Variants in GLI3 observed in about 807,000 individuals in gnomAD.
GLI3 encodes the protein GLI family zinc finger 3.
Under a neutral mutation model 100.8 loss-of-function variants are expected in GLI3, and 20 were observed. The ratio of observed to expected loss-of-function variants is 0.20; its 90% CI spans 0.14 to 0.29. The LOEUF is 0.29. GLI3 is among the 10% of genes least tolerant of loss of function. The pLI is 1.00. For missense variants in GLI3, 2,040 were observed against 2,128.5 expected (o/e 0.96, Z 0.82); for synonymous variants, 938 against 860.5 (o/e 1.09, Z -1.58).
chr7:42,262,951 CT>C (rs11299942), intron 1 of GLI3, among the ~76,000 whole-genome samples: 61,159 of 147,560 alleles, frequency 0.41, 12,303 homozygotes, highest in Middle Eastern at 0.54. Context: ...AATATCTGCA[CT>C]TTTTTTTTTT....
At chr7:42,126,375 A>G (rs898321620) in intron 3 of GLI3, among the ~76,000 whole-genome samples, 2 of 152,240 alleles carry the variant, frequency 1.3e-5, no homozygotes, top group Non-Finnish European at 2.9e-5. Context: ...AAATTGTAAC[A>G]TGCCTCAGCA....
intron 7 of GLI3, among the ~76,000 whole-genome samples, chr7:42,035,068 T>C (rs1450234960): frequency 6.6e-6 from 1 of 152,166 alleles, no homozygotes; most frequent in African/African-American, 2.4e-5. Flanking sequence ...AGGAAGTAAA[T>C]GAGAGCTATC....
chr7:42,162,364 T>C (rs937146669), intron 2 of GLI3, among the ~76,000 whole-genome samples: 47 of 152,258 alleles, frequency 3.1e-4, no homozygotes, highest in African/African-American at 1.1e-3. Context: ...TCTAAAATGT[T>C]GCACCTTTGG....
intron 3 of GLI3, among the ~76,000 whole-genome samples, chr7:42,129,811 A>G (rs549963740): frequency 6.6e-6 from 1 of 152,218 alleles, no homozygotes; most frequent in African/African-American, 2.4e-5. Flanking sequence ...CTCCATCTAA[A>G]AAACAAAAAA....
intron 2 of GLI3, among the ~76,000 whole-genome samples, chr7:42,193,455 A>G (rs1252425160): frequency 6.6e-6 from 1 of 152,108 alleles, no homozygotes. Context: ...CTAGAGTTCC[A>G]AGAAAAAAAA....
intron 4 of GLI3, among the ~76,000 whole-genome samples, chr7:42,069,276 A>G (rs1784739890): frequency 6.6e-6 from 1 of 152,224 alleles, no homozygotes; most frequent in Non-Finnish European, 1.5e-5. Flanking sequence ...ACTGCAAAAC[A>G]GAAAGGAGTA....
chr7:41,969,432 A>G (rs747122428), intron 13 of GLI3, among the ~76,000 whole-genome samples: 5 of 152,206 alleles, frequency 3.3e-5, no homozygotes, highest in Admixed American at 6.5e-5. Flanking sequence ...TTCTGCTATC[A>G]TGGTACATAC....
chr7:42,067,485 G>C (rs947609340), intron 4 of GLI3, among the ~76,000 whole-genome samples: 2 of 152,202 alleles, frequency 1.3e-5, no homozygotes, highest in Admixed American at 1.3e-4. Flanking sequence ...TCAGATGATA[G>C]AGATACTATT....
chr7:42,108,224 A>G (rs1785622127), intron 3 of GLI3, among the ~76,000 whole-genome samples: 1 of 152,224 alleles, frequency 6.6e-6, no homozygotes, highest in African/African-American at 2.4e-5. Flanking sequence ...GGAACTTTGC[A>G]CCGTTAGTAG....
chr7:42,123,112 T>C, intron 3 of GLI3, among the ~76,000 whole-genome samples: 1 of 152,248 alleles, frequency 6.6e-6, no homozygotes, highest in East Asian at 1.9e-4. Context: ...TGCGTATGTC[T>C]GAAGTATGTG....
chr7:42,133,227 C>T (rs2128778435), intron 3 of GLI3, among the ~76,000 whole-genome samples: 1 of 152,306 alleles, frequency 6.6e-6, no homozygotes, highest in South Asian at 2.1e-4. Flanking sequence ...AACTCTGTTT[C>T]TACTTTGGCT....
intron 3 of GLI3, among the ~76,000 whole-genome samples, chr7:42,093,499 G>C (rs1785272571): frequency 6.7e-6 from 1 of 149,602 alleles, no homozygotes; most frequent in Admixed American, 6.9e-5. Flanking sequence ...AAATAAAAAT[G>C]GGGTGGGTGG....
At chr7:42,149,240 G>A (rs1206540249) in intron 2 of GLI3, among the ~76,000 whole-genome samples, 1 of 152,180 alleles carries the variant, frequency 6.6e-6, no homozygotes, top group African/African-American at 2.4e-5. Context: ...AGGAAGGTGT[G>A]GGGGATGTTG....
At chr7:42,067,559 T>G (rs1018048540) in intron 4 of GLI3, among the ~76,000 whole-genome samples, 9 of 152,172 alleles carry the variant, frequency 5.9e-5, no homozygotes, top group African/African-American at 2.2e-4. Context: ...ATATTGGCAG[T>G]TTTCCTGTTT....
chr7:42,000,964 G>A (rs116034295), intron 10 of GLI3, among the ~76,000 whole-genome samples: 4,173 of 152,112 alleles, frequency 0.027, 143 homozygotes, highest in African/African-American at 0.088. Flanking sequence ...AAAAGGAGGA[G>A]GGCCGGGAGC....
rs568636830 is a variant in GLI3 at position 42,029,982 on chromosome 7, A to G, written c.1029-3570T>C. ...TGACTGAATCCATTCTTCAGTGTCT[A>G]TTAGTTCCCTGTTGCTGCTGCAACA... is the stretch of plus-strand genomic sequence containing the variant. On this transcript the variant is annotated intron_variant, in intron 7 of 14. Coordinates refer to ENST00000395925, the MANE Select transcript of GLI3 (RefSeq NM_000168.6). 3.9e-5 allele frequency among the ~76,000 whole-genome samples: 6 copies of G among 152,300 alleles called. No individual in the cohort carries two copies. In the South Asian group the frequency reaches 1.2e-3, roughly 32 times the overall value.
At chr7:42,111,275 C>T (rs1018854022) in intron 3 of GLI3, among the ~76,000 whole-genome samples, 2 of 152,110 alleles carry the variant, frequency 1.3e-5, no homozygotes, top group Admixed American at 6.5e-5. Flanking sequence ...GATATGAGTA[C>T]CAGCGAACTA....
chr7:42,033,059 C>T (rs1228185506), intron 7 of GLI3, among the ~76,000 whole-genome samples: 1 of 152,168 alleles, frequency 6.6e-6, no homozygotes, highest in Non-Finnish European at 1.5e-5. Context: ...TTTCCAGGTT[C>T]ATCTCTGAAA....
chr7:42,229,028 T>C (rs1453779759), intron 1 of GLI3, among the ~76,000 whole-genome samples: 2 of 152,192 alleles, frequency 1.3e-5, no homozygotes, highest in Non-Finnish European at 2.9e-5. Context: ...GATTCCTTTA[T>C]CGTTTAAACA....
Sources: allele counts gnomAD v4.1 joint callset (sites outside exome capture counted in the v4.1 genomes callset), GRCh38; gene constraint gnomAD v4.1.1; transcripts MANE v1.5; gene names NCBI Gene and HGNC (gene_info 2026-07-23, HGNC 2026-07-21).